Variants in ATP2C1 observed in about 807,000 individuals in gnomAD.
The protein encoded by ATP2C1 is ATPase secretory pathway Ca2+ transporting 1.
Under a neutral mutation model 120.5 loss-of-function variants are expected in ATP2C1, and 31 were observed. The ratio of observed to expected loss-of-function variants is 0.26; its 90% CI spans 0.19 to 0.35. ATP2C1 has a LOEUF of 0.35. Ranked by LOEUF, ATP2C1 falls within the 10% of genes least tolerant of loss-of-function variation. ATP2C1 has a pLI of 1.00. For synonymous variants in ATP2C1, 351 were observed against 358.7 expected, an observed-to-expected ratio of 0.98 and a Z score of 0.24; for missense variants, 731 against 1,107.5, an observed-to-expected ratio of 0.66 and a Z score of 4.83.
rs568752722 is a variant in ATP2C1 at position 130,916,170 on chromosome 3, C to T, written c.7-14246C>T. The stretch of plus-strand genomic sequence containing the variant: ...CCTGTAATCCTAGCACTTTGGGAGG[C>T]TGAGGTGGGTGGATTGCCTGAGCTT... On this transcript the variant is annotated intron_variant, in intron 2 of 27. Transcript: ENST00000510168. Among the ~76,000 whole-genome samples, 3 of 151,372 alleles carry T rather than the reference C, an allele frequency of 2.0e-5. No homozygotes were observed. In the South Asian group the frequency reaches 6.2e-4, roughly 32 times the overall value.
At chr3:131,010,949 T>C (rs1323202416) in intron 26 of ATP2C1, among the ~76,000 whole-genome samples, 1 of 152,238 alleles carries the variant, frequency 6.6e-6, no homozygotes, top group Non-Finnish European at 1.5e-5. Flanking sequence ...ACACTTTTAG[T>C]ATCAGGCACT....
At chr3:130,888,395 G>T (rs1216669930) in intron 1 of ATP2C1, among the ~76,000 whole-genome samples, 2 of 152,112 alleles carry the variant, frequency 1.3e-5, no homozygotes, top group Admixed American at 1.3e-4. Context: ...AGCACTAGAA[G>T]TTGCCTAAGA....
chr3:131,003,120 C>T lies in ATP2C1; in HGVS notation c.*1770C>T. 1 of 982,358 alleles carries T rather than the reference C, an allele frequency of 1.0e-6. No individual in the cohort carries two copies. The highest frequency in any genetic ancestry group is 1.2e-6 in the Non-Finnish European group (1 of 826,780). The allele number at this position is 982,358 out of a possible 1,614,324, so 60.9% of individuals were successfully genotyped here. ...TGCCTATACATTCATTTGCTTTGTA[C>T]TATAAAAATAAAAATGATTTCTTAA... On this transcript the variant is annotated 3_prime_UTR_variant, in exon 28 of 28. Transcript: ENST00000510168.
At chr3:130,862,313 A>G (rs2068040544) in intron 1 of ATP2C1, among the ~76,000 whole-genome samples, 1 of 113,042 alleles carries the variant, frequency 8.8e-6, no homozygotes, top group Admixed American at 8.9e-5. Context: ...TTACTTATTC[A>G]CTTTATTTAT....
intron 2 of ATP2C1, among the ~76,000 whole-genome samples, chr3:130,920,375 C>A: frequency 6.6e-6 from 1 of 151,860 alleles, no homozygotes; most frequent in East Asian, 1.9e-4. Flanking sequence ...AGAAAAGGGC[C>A]CAGTTTATTT....
chr3:130,914,802 A>G (rs186842877), intron 2 of ATP2C1, among the ~76,000 whole-genome samples: 6 of 152,244 alleles, frequency 3.9e-5, no homozygotes, highest in South Asian at 4.2e-4. Context: ...TTCACGTTCT[A>G]CCTCCCTACC....
In ATP2C1 at chr3:130,851,747, A is replaced by G. The variant is rs369835830; in HGVS notation, c.108+819A>G. Among the ~76,000 whole-genome samples the G allele has an allele frequency of 2.3e-4, 35 of 152,338 alleles. 1 individual carries two copies. In the East Asian group the frequency reaches 4.2e-3, roughly 18 times the overall value. On this transcript the variant is annotated intron_variant, in intron 1 of 26. Transcript: ENST00000504381. The stretch of plus-strand genomic sequence containing the variant: ...AGGAAGAAGTGTGGCGGTGGTATAC[A>G]AATGTGAAGGACAAATGTATAGCCA...
At chr3:131,014,090 TAA>T (rs760389783) in intron 26 of ATP2C1, 14 of 1,601,784 alleles carry the variant, frequency 8.7e-6, no homozygotes, top group Non-Finnish European at 1.2e-5. Flanking sequence ...TATGTTCCTC[TAA>T]GTTTTCAACC....
At position 130,944,950 on chromosome 3, in the gene ATP2C1, A is replaced by G. The variant is rs186166275; in HGVS notation, c.531+3251A>G. Among the ~76,000 whole-genome samples the G allele has an allele frequency of 4.6e-5, 7 of 152,328 alleles. No homozygotes were observed. In the East Asian group the frequency reaches 1.3e-3, roughly 29 times the overall value. On this transcript the variant is annotated intron_variant, in intron 8 of 27. Coordinates refer to ENST00000510168, the MANE Select transcript of ATP2C1 (RefSeq NM_001378687.1). ...TCTAGATTACTTATAACTCCTAATA[A>G]AATATAAATGCTATGTCAACAGTTG...
rs1203323213 is a variant in ATP2C1 at position 130,913,361 on chromosome 3, T to C, written c.7-17055T>C. 3.3e-5 allele frequency among the ~76,000 whole-genome samples: 5 copies of C among 152,220 alleles called. No individual in the cohort carries two copies. In the East Asian group the frequency reaches 9.6e-4, roughly 29 times the overall value. On this transcript the variant is annotated intron_variant, in intron 2 of 27. Coordinates refer to ENST00000510168, the MANE Select transcript of ATP2C1 (RefSeq NM_001378687.1). ...TCTTGGATAAGTATGCTATTCAGTATTTATCTGAGTTGTTGATAAAATATT... is the reference window on the plus strand; with the variant it reads ...TCTTGGATAAGTATGCTATTCAGTACTTATCTGAGTTGTTGATAAAATATT...
intron 2 of ATP2C1, among the ~76,000 whole-genome samples, chr3:130,909,152 A>G: frequency 6.6e-6 from 1 of 152,180 alleles, no homozygotes; most frequent in East Asian, 1.9e-4. Context: ...CCCTTAACAA[A>G]GGTTACTGAT....
At chr3:130,904,026 A>G (rs2058007455) in intron 2 of ATP2C1, among the ~76,000 whole-genome samples, 1 of 152,038 alleles carries the variant, frequency 6.6e-6, no homozygotes, top group African/African-American at 2.4e-5. Context: ...TAACTGTTGG[A>G]TGCAAATTCA....
intron 27 of ATP2C1, among the ~76,000 whole-genome samples, chr3:131,000,935 T>C (rs2062853162): frequency 6.6e-6 from 1 of 151,760 alleles, no homozygotes; most frequent in Non-Finnish European, 1.5e-5. Flanking sequence ...AAACCCCCTC[T>C]CTACTAAAAA....
At chr3:130,911,886 AC>A (rs1453671227) in intron 2 of ATP2C1, among the ~76,000 whole-genome samples, 1 of 145,914 alleles carries the variant, frequency 6.9e-6, no homozygotes, top group Non-Finnish European at 1.5e-5. Context: ...ACAGCATGGT[AC>A]TGGTACCATA....
In ATP2C1 at chr3:130,894,431, C is replaced by T. The variant is rs2069393301; in HGVS notation, c.-181+94C>T. 2 of 1,281,744 alleles carry T rather than the reference C, an allele frequency of 1.6e-6. No individual in the cohort carries two copies. The highest frequency in any genetic ancestry group is 7.4e-5 in the East Asian group (2 of 26,910). The allele number at this position is 1,281,744 out of a possible 1,614,324, so 79.4% of individuals were successfully genotyped here. A position where few individuals can be genotyped will look rare whatever the true frequency, so the allele number is the denominator to read the frequency against. ...GGGTATCCCCTGGATGGGGGGGCAT[C>T]TCTAGGGCGCCGCCCCGCTGGCGTG... On this transcript the variant is annotated intron_variant, in intron 1 of 27. Transcript: ENST00000510168. This position sits in a 1 kb window ranked among gnomAD's most constrained non-coding sequence, Gnocchi z 4.5.
At chr3:130,925,657 G>T (rs2059169477) in intron 2 of ATP2C1, among the ~76,000 whole-genome samples, 2 of 152,268 alleles carry the variant, frequency 1.3e-5, no homozygotes, top group South Asian at 4.2e-4. Context: ...AGGTTTCTCA[G>T]GCAGTGAGCA....
intron 2 of ATP2C1, among the ~76,000 whole-genome samples, chr3:130,917,725 A>G (rs1425337563): frequency 6.6e-6 from 1 of 152,254 alleles, no homozygotes; most frequent in Non-Finnish European, 1.5e-5. Flanking sequence ...GGCTATAGGT[A>G]CAATGTTGTA....
At chr3:130,867,117 G>A (rs182795921) in intron 1 of ATP2C1, among the ~76,000 whole-genome samples, 102 of 152,256 alleles carry the variant, frequency 6.7e-4, no homozygotes, top group African/African-American at 2.4e-3. Context: ...ATAAATGTGT[G>A]TGCTGACTTC....
Position 130,941,652 on chromosome 3 carries a change from T to G in ATP2C1, c.484T>G (p.Cys162Gly). 6.2e-7 allele frequency: 1 copy of G among 1,614,112 alleles called. No homozygotes were observed. Among genetic ancestry groups the G allele is most frequent in the South Asian group, 1.1e-5 (1 of 91,080 alleles). Residue 162 changes from cysteine (C) to glycine (G), a missense_variant, in exon 8 of 28, where the codon TGC (cysteine) becomes GGC (glycine). By Grantham distance (159) the Cys-to-Gly change is radical. This residue lies in a region of ATP2C1 where 571 missense variants were observed against 845.9 expected (regional missense o/e 0.67). Transcript: ENST00000510168. ...ARDLVPGDTV[C>G]LSVGDRVPAD... ...AGACTTGGTTCCAGGTGATACAGTT[T>G]GCCTTTCTGTTGGGGATAGAGTTCC...
Sources: allele counts gnomAD v4.1 joint callset (sites outside exome capture counted in the v4.1 genomes callset), GRCh38; gene constraint gnomAD v4.1.1; regional missense constraint gnomAD v4.1.1; non-coding constraint Gnocchi (gnomAD v3.1); transcripts MANE v1.5; gene names NCBI Gene and HGNC (gene_info 2026-07-23, HGNC 2026-07-21).